CHODL: variants seen among roughly 807,000 people sequenced by gnomAD.
CHODL encodes chondrolectin, also known as transmembrane protein MT75.
A neutral mutation model predicts 34.5 loss-of-function variants in CHODL; 29 were observed. That is an observed-to-expected ratio of 0.84 (90% CI 0.63 to 1.15). The LOEUF is 1.15. Among genes scored for constraint, CHODL ranks in the 50% most tolerant of loss-of-function variants. The probability of loss-of-function intolerance (pLI) is 0.00; values close to 1 mark genes in which losing one functional copy is unlikely to be tolerated. For missense variants in CHODL, 332 were observed against 332.5 expected (o/e 1.00, Z 0.01); for synonymous variants, 125 against 116.1 (o/e 1.08, Z -0.49).
intron 1 of CHODL, among the ~76,000 whole-genome samples, chr21:18,001,709 C>T (rs2063908005): frequency 1.3e-5 from 2 of 149,560 alleles, no homozygotes; most frequent in Admixed American, 1.3e-4. Context: ...TGCTTCTTCA[C>T]AAGTTGTTAA....
At chr21:18,215,015 G>T (rs928035460) in intron 2 of CHODL, among the ~76,000 whole-genome samples, 12 of 151,988 alleles carry the variant, frequency 7.9e-5, no homozygotes, top group Admixed American at 6.6e-5. Context: ...AGATATTCAT[G>T]ATAAAACAAC....
At chr21:18,171,402 T>C (rs2073229937) in intron 2 of CHODL, among the ~76,000 whole-genome samples, 1 of 148,422 alleles carries the variant, frequency 6.7e-6, no homozygotes, top group Non-Finnish European at 1.5e-5. Context: ...GAGACGGGGG[T>C]TTCACCTTGT....
chr21:17,997,980 G>A (rs1161813319), intron 1 of CHODL, among the ~76,000 whole-genome samples: 1 of 152,124 alleles, frequency 6.6e-6, no homozygotes, highest in African/African-American at 2.4e-5. Flanking sequence ...ACTCATTTCA[G>A]CATTAACTTA....
At chr21:18,239,352 C>T (rs959193829) in intron 2 of CHODL, among the ~76,000 whole-genome samples, 14 of 152,176 alleles carry the variant, frequency 9.2e-5, no homozygotes, top group African/African-American at 2.9e-4. Context: ...GAGCTACTTA[C>T]GCTTAGAAAC....
At position 18,154,946 on chromosome 21, in the gene CHODL, A is replaced by G. The variant is rs147802556; in HGVS notation, c.-44-101563A>G. Among the ~76,000 whole-genome samples, 1,433 of 152,290 alleles carry G rather than the reference A, an allele frequency of 9.4e-3. 16 individuals carry two copies. Among genetic ancestry groups the G allele is most frequent in the Non-Finnish European group, 0.014 (950 of 68,018 alleles). ...AAGGCTGAGAGAAGCAGATGGAATA[A>G]TAATAGTGGACAGGCACAAGGTCAT... On this transcript the variant is annotated intron_variant, in intron 2 of 6. Transcript: ENST00000400127.
intron 2 of CHODL, among the ~76,000 whole-genome samples, chr21:18,033,997 G>A (rs549154681): frequency 2.6e-4 from 40 of 152,096 alleles, no homozygotes; most frequent in African/African-American, 8.9e-4. Flanking sequence ...GAATCTGAAA[G>A]GAATTTCCAC....
At chr21:18,197,416 A>G (rs182760700) in intron 2 of CHODL, among the ~76,000 whole-genome samples, 2 of 152,094 alleles carry the variant, frequency 1.3e-5, no homozygotes, top group South Asian at 4.1e-4. Flanking sequence ...TTCGAGACCA[A>G]CCTGGCCAAC....
chr21:18,119,812 T>C (rs938072969), intron 2 of CHODL, among the ~76,000 whole-genome samples: 2 of 152,150 alleles, frequency 1.3e-5, no homozygotes, highest in Non-Finnish European at 2.9e-5. Flanking sequence ...AATCATCTAG[T>C]CAATGCTCTG....
chr21:18,161,773 G>A (rs1170543283), intron 2 of CHODL, among the ~76,000 whole-genome samples: 3 of 152,048 alleles, frequency 2.0e-5, no homozygotes, highest in Admixed American at 2.0e-4. Flanking sequence ...TATTGCATTT[G>A]TACTGAAACT....
At chr21:18,237,186 T>C (rs2074036242) in intron 2 of CHODL, among the ~76,000 whole-genome samples, 1 of 152,142 alleles carries the variant, frequency 6.6e-6, no homozygotes, top group Non-Finnish European at 1.5e-5. Flanking sequence ...CAACACAAGA[T>C]GTGTGGTTAC....
chr21:18,013,635 C>CT (rs1212894827), intron 1 of CHODL, among the ~76,000 whole-genome samples: 2,668 of 71,894 alleles, frequency 0.037, 607 homozygotes, highest in African/African-American at 0.14. Context: ...GCTGCTGCTG[C>CT]TTTTTTTTTT....
At chr21:18,136,660 C>A (rs2072733650) in intron 2 of CHODL, among the ~76,000 whole-genome samples, 1 of 147,492 alleles carries the variant, frequency 6.8e-6, no homozygotes, top group African/African-American at 2.5e-5. Context: ...CCAAAAGAAT[C>A]TTAAGTGTAG....
intron 1 of CHODL, among the ~76,000 whole-genome samples, chr21:17,977,096 C>T (rs898088480): frequency 1.3e-5 from 2 of 152,254 alleles, no homozygotes; most frequent in Admixed American, 1.3e-4. Context: ...GCATTTCCTA[C>T]GTGCTTTTAT....
At chr21:18,058,171 A>G (rs1447563246) in intron 2 of CHODL, among the ~76,000 whole-genome samples, 1 of 152,174 alleles carries the variant, frequency 6.6e-6, no homozygotes, top group Non-Finnish European at 1.5e-5. Context: ...CACCAGAGTT[A>G]GAATGGCTAT....
intron 2 of CHODL, among the ~76,000 whole-genome samples, chr21:18,127,433 T>G (rs2065560261): frequency 6.6e-6 from 1 of 152,154 alleles, no homozygotes; most frequent in Non-Finnish European, 1.5e-5. Flanking sequence ...GATCCATTGG[T>G]CATGTCAGAA....
At chr21:18,214,105 T>G (rs1208676992) in intron 2 of CHODL, among the ~76,000 whole-genome samples, 2 of 152,140 alleles carry the variant, frequency 1.3e-5, no homozygotes, top group Non-Finnish European at 2.9e-5. Context: ...ATGCCAACTT[T>G]GTCATCCACC....
At position 18,245,272 on chromosome 21, in the gene CHODL, C is replaced by G. The variant is rs779898486; in HGVS notation, c.49C>G (p.His17Asp). 8 of 1,525,188 alleles carry G rather than the reference C, an allele frequency of 5.2e-6. No individual in the cohort carries two copies. The South Asian group carries it at 8.4e-5, about 16-fold the overall frequency. The allele number at this position is 1,525,188 out of a possible 1,614,324, so 94.5% of individuals were successfully genotyped here. The change falls in exon 1 of 6, where the codon CAC becomes GAC. Residue 17 changes from histidine to aspartate, a missense_variant. Transcript: ENST00000299295. ...LLLGAALLCG[H>D]GAFCRRVVSG... Reference sequence around the variant, plus strand: ...GCTGGGCGCCGCGCTGCTCTGCGGCCACGGAGCCTTCTGCCGCCGCGTGGT... The same window carrying G: ...GCTGGGCGCCGCGCTGCTCTGCGGCGACGGAGCCTTCTGCCGCCGCGTGGT...
At chr21:17,980,934 C>T (rs1156579578) in intron 1 of CHODL, among the ~76,000 whole-genome samples, 6 of 152,178 alleles carry the variant, frequency 3.9e-5, no homozygotes, top group African/African-American at 1.4e-4. Flanking sequence ...ATCACAGCTC[C>T]ATCCCTTGTT....
At chr21:18,075,723 A>G (rs1455775394) in intron 2 of CHODL, among the ~76,000 whole-genome samples, 1 of 152,092 alleles carries the variant, frequency 6.6e-6, no homozygotes. Context: ...CCATCTGTAC[A>G]TGATCTCTAT....
Sources: allele counts gnomAD v4.1 joint callset (sites outside exome capture counted in the v4.1 genomes callset), GRCh38; gene constraint gnomAD v4.1.1; transcripts MANE v1.5; gene names NCBI Gene and HGNC (gene_info 2026-07-23, HGNC 2026-07-21).